The following ACSF2 variants were observed in gnomAD, a reference collection of about 807,000 sequenced individuals.
ACSF2 encodes the protein medium-chain acyl-CoA ligase ACSF2, mitochondrial.
A neutral mutation model predicts 79.3 loss-of-function variants in ACSF2; 52 were observed. The ratio of observed to expected loss-of-function variants is 0.66; its 90% CI spans 0.53 to 0.83. The LOEUF is 0.83. ACSF2 is among the 40% of genes least tolerant of loss of function. The pLI, the probability that ACSF2 is intolerant of heterozygous loss-of-function variation, is 0.00. For synonymous variants in ACSF2, 283 were observed against 312.6 expected, an observed-to-expected ratio of 0.91 and a Z score of 1.00; for missense variants, 661 against 803.3, an observed-to-expected ratio of 0.82 and a Z score of 2.14.
chr17:50,461,927 GGTGTGT>G (rs35178435), intron 4 of ACSF2, among the ~76,000 whole-genome samples: 1,495 of 148,220 alleles, frequency 0.01, 19 homozygotes, highest in African/African-American at 0.034. Flanking sequence ...TCAGGGCAGA[GGTGTGT>G]GTGTGTGTGT....
In ACSF2 at chr17:50,463,556, G is replaced by A; in HGVS notation, c.1046+4G>A. Reference sequence around the variant, plus strand: ...TGGAGGCCATCAGCAGAGAGAGGTGGGCACTGGTGGACAGGCTACTTGTGG... The same window carrying A: ...TGGAGGCCATCAGCAGAGAGAGGTGAGCACTGGTGGACAGGCTACTTGTGG... On this transcript the variant is annotated splice_donor_region_variant and intron_variant, in intron 8 of 15. Transcript: ENST00000300441. The surrounding 1 kb of genome is among the most constrained non-coding windows in gnomAD (Gnocchi z 4.6). 6.2e-7 allele frequency: 1 copy of A among 1,613,686 alleles called. No individual in the cohort carries two copies. Among genetic ancestry groups the A allele is most frequent in the Non-Finnish European group, 8.5e-7 (1 of 1,179,880 alleles).
intron 12 of ACSF2, 88 bp downstream of exon 12, chr17:50,472,667 G>T (rs1008256907): frequency 6.9e-7 from 1 of 1,453,634 alleles, no homozygotes; most frequent in South Asian, 1.4e-5. Context: ...ACCTGGCACC[G>T]TGAGGATGTG....
At chr17:50,465,455 C>T in intron 10 of ACSF2, 1 of 1,613,216 alleles carries the variant, frequency 6.2e-7, no homozygotes, top group Non-Finnish European at 8.5e-7. Flanking sequence ...GAGACAGAAA[C>T]TTGCTGGGGC....
At chr17:50,448,255 T>C (rs746675214) in intron 1 of ACSF2, among the ~76,000 whole-genome samples, 6 of 152,208 alleles carry the variant, frequency 3.9e-5, no homozygotes, top group Non-Finnish European at 7.3e-5. Flanking sequence ...TGTGAACATA[T>C]CTAAACGTAG....
intron 12 of ACSF2, chr17:50,473,334 G>A (rs2033202991): frequency 3.3e-6 from 1 of 299,826 alleles, no homozygotes; most frequent in Non-Finnish European, 6.3e-6. Context: ...AGTGGCTGTG[G>A]TGGGGAGGGG....
At position 50,464,776 on chromosome 17, in the gene ACSF2, G is replaced by GC. The variant is rs981349920; in HGVS notation, c.1215+482_1215+483insC. ...TTGTGGTTCTGATTGACTTGGGGGG[G>GC]GGGTCTCAGCAACAGCTTCTCCAAG... On this transcript the variant is annotated intron_variant, in intron 10 of 15. Transcript: ENST00000300441. 24 of 332,354 alleles carry GC rather than the reference G, an allele frequency of 7.2e-5. 2 individuals carry two copies. Among genetic ancestry groups the GC allele is most frequent in the South Asian group, 3.1e-4 (14 of 44,936 alleles). 20.6% of individuals were successfully genotyped at this position (332,354 alleles called of 1,614,324 possible). A position where few individuals can be genotyped will look rare whatever the true frequency, so the allele number is the denominator to read the frequency against.
At chr17:50,465,443 G>A (rs1233176246) in intron 10 of ACSF2, 1 of 1,613,770 alleles carries the variant, frequency 6.2e-7, no homozygotes. Context: ...CAGCCACCTG[G>A]AGAGACAGAA....
At chr17:50,446,638 A>G (rs777743460) in intron 1 of ACSF2, among the ~76,000 whole-genome samples, 1 of 152,200 alleles carries the variant, frequency 6.6e-6, no homozygotes, top group African/African-American at 2.4e-5. Context: ...ATGACCAGAA[A>G]CCAGGAGTTC....
rs1256348710 is a variant in ACSF2 at position 50,462,474 on chromosome 17, G to C, written c.681G>C (p.Leu227=). The C allele has an allele frequency of 1.9e-6, 3 of 1,613,554 alleles. No homozygotes were observed. In the South Asian group the frequency reaches 3.3e-5, roughly 18 times the overall value. The change falls in exon 6 of 16, where the codon CTG becomes CTC. Residue 227 remains leucine (L), a synonymous_variant. Transcript: ENST00000300441. ...ISVDAPLPGT[L]LLDEVVAAGS... is the part of the protein sequence containing the mutation. ...TGGATGCCCCTTTGCCGGGGACCCTGCTCCTGGATGAAGTGGTGGCGGCTG... is the reference window on the plus strand; with the variant it reads ...TGGATGCCCCTTTGCCGGGGACCCTCCTCCTGGATGAAGTGGTGGCGGCTG...
chr17:50,435,166 G>A (rs2030292790), intron 1 of ACSF2, among the ~76,000 whole-genome samples: 1 of 152,076 alleles, frequency 6.6e-6, no homozygotes, highest in Non-Finnish European at 1.5e-5. Context: ...CACCGTGCCT[G>A]GCCTGTGTCT....
chr17:50,469,262 C>G (rs908622790), intron 10 of ACSF2, among the ~76,000 whole-genome samples: 8 of 152,228 alleles, frequency 5.3e-5, no homozygotes, highest in African/African-American at 1.7e-4. Context: ...GCCTCCACGC[C>G]GCGCCATCCA....
At chr17:50,468,593 A>G in intron 10 of ACSF2, 2 of 1,614,196 alleles carry the variant, frequency 1.2e-6, no homozygotes, top group Non-Finnish European at 1.7e-6. Flanking sequence ...GAGGTTCGGC[A>G]TGGCCCGGAA....
intron 10 of ACSF2, chr17:50,465,345 T>G: frequency 6.2e-7 from 1 of 1,614,066 alleles, no homozygotes; most frequent in Non-Finnish European, 8.5e-7. Flanking sequence ...AACTTGCAGC[T>G]GCGGAAGGCG....
rs755447019 is a variant in ACSF2 at position 50,426,332 on chromosome 17, G to A, written c.71G>A (p.Arg24Gln). 16 of 1,421,756 alleles carry A rather than the reference G, an allele frequency of 1.1e-5. No individual in the cohort carries two copies. Among genetic ancestry groups the A allele is most frequent in the Non-Finnish European group, 1.2e-5 (13 of 1,081,172 alleles). 88.1% of individuals were successfully genotyped at this position (1,421,756 alleles called of 1,614,324 possible). A position where few individuals can be genotyped will look rare whatever the true frequency, so the allele number is the denominator to read the frequency against. ...GGGAGCTCGGGGGTGCTGGGGGCCC[G>A]GGCCGCCCTCTCTCGGAGTTGGCAG... Reference protein sequence around the residue: ...CAGSSGVLGARAALSRSWQEA... With the variant: ...CAGSSGVLGAQAALSRSWQEA... The change falls in exon 1 of 16, where the codon CGG becomes CAG. Residue 24 changes from arginine (R) to glutamine (Q), a missense_variant. Transcript: ENST00000300441.
chr17:50,473,967 C>A lies in ACSF2; in HGVS notation c.1691C>A (p.Thr564Asn). The A allele has an allele frequency of 6.5e-7, 1 of 1,536,800 alleles. No homozygotes were observed. Among genetic ancestry groups the A allele is most frequent in the East Asian group, 2.3e-5 (1 of 42,780 alleles). ...ATTCGGCTGAAGGACGGGGAGGAGA[C>A]CACGGTGGAGGAGATAAAAGCTTTC... is the stretch of plus-strand genomic sequence containing the variant. ...ACIRLKDGEE[T>N]TVEEIKAFCK... is the part of the protein sequence containing the mutation. Residue 564 changes from threonine to asparagine, a missense_variant, in exon 14 of 16, where the codon ACC (threonine) becomes AAC (asparagine). Transcript: ENST00000300441.
At chr17:50,427,851 A>C (rs1379421941) in intron 1 of ACSF2, among the ~76,000 whole-genome samples, 1 of 152,206 alleles carries the variant, frequency 6.6e-6, no homozygotes, top group Non-Finnish European at 1.5e-5. Context: ...CTCTGAGAGC[A>C]CCAAGCTTCA....
At position 50,471,212 on chromosome 17, in the gene ACSF2, C is replaced by T; in HGVS notation, c.1323+77C>T. On this transcript the variant is annotated intron_variant, in intron 11 of 15. Transcript: ENST00000300441. This position sits in a 1 kb window ranked among gnomAD's most constrained non-coding sequence, Gnocchi z 4.1. ...GTGCACCCAGCTGGGACATCGGTTG[C>T]TTTCAGTGAGAGAGTCAAATGGCTC... 7.9e-7 allele frequency: 1 copy of T among 1,265,854 alleles called. No homozygotes were observed. The allele number at this position is 1,265,854 out of a possible 1,614,324, so 78.4% of individuals were successfully genotyped here.
At chr17:50,440,735 AGGCTG>A (rs1197938973) in intron 1 of ACSF2, among the ~76,000 whole-genome samples, 2 of 152,230 alleles carry the variant, frequency 1.3e-5, no homozygotes, top group Non-Finnish European at 2.9e-5. Context: ...CTGGTAGGCA[AGGCTG>A]GGCTGGGCAG....
chr17:50,472,260 C>G, intron 11 of ACSF2, 168 bp from the exon 12 acceptor site: 1 of 751,078 alleles, frequency 1.3e-6, no homozygotes, highest in Non-Finnish European at 2.0e-6. Context: ...TGGGTCGACT[C>G]TAGCCTTTGT....
Sources: allele counts gnomAD v4.1 joint callset (sites outside exome capture counted in the v4.1 genomes callset), GRCh38; gene constraint gnomAD v4.1.1; non-coding constraint Gnocchi (gnomAD v3.1); transcripts MANE v1.5; gene names NCBI Gene and HGNC (gene_info 2026-07-23, HGNC 2026-07-21).